EDIL3: variants seen among roughly 807,000 people sequenced by gnomAD.
EDIL3 encodes EGF-like repeat and discoidin I-like domain-containing protein 3.
EDIL3 carries 37 observed loss-of-function variants against 67.4 expected under a neutral mutation model. The ratio of observed to expected loss-of-function variants is 0.55; its 90% confidence interval spans 0.42 to 0.72. The LOEUF (loss-of-function observed/expected upper bound fraction) is 0.72. Ranked by LOEUF, EDIL3 falls within the 30% of genes least tolerant of loss-of-function variation. The pLI is 0.00. For missense variants in EDIL3, 527 were observed against 586.3 expected (o/e 0.90, Z 1.04); for synonymous variants, 195 against 196.3 (o/e 0.99, Z 0.05).
Position 84,239,573 on chromosome 5 carries a change from C to A in EDIL3, c.197-9689G>T, listed in dbSNP as rs373840780. ...CACAATAGCAAAAACTTGGAACCTT[C>A]AGCTACATCTTATGGACCAATTCCT... On this transcript the variant is annotated intron_variant, in intron 2 of 10. Transcript: ENST00000296591. 1.6e-3 allele frequency among the ~76,000 whole-genome samples: 241 copies of A among 152,274 alleles called. 6 individuals carry two copies. The South Asian group carries it at 0.047, about 30-fold the overall frequency.
At chr5:84,343,964 G>A (rs978272179) in intron 1 of EDIL3, among the ~76,000 whole-genome samples, 2 of 152,130 alleles carry the variant, frequency 1.3e-5, no homozygotes, top group African/African-American at 4.8e-5. Flanking sequence ...ACATGAAACT[G>A]TTATATTTTT....
chr5:84,200,832 A>C (rs1743816091), intron 3 of EDIL3, among the ~76,000 whole-genome samples: 1 of 152,064 alleles, frequency 6.6e-6, no homozygotes, highest in African/African-American at 2.4e-5. Context: ...AAACGGAAAG[A>C]AATGTCTTTC....
At chr5:84,002,212 A>G (rs1745343430) in intron 9 of EDIL3, among the ~76,000 whole-genome samples, 1 of 152,188 alleles carries the variant, frequency 6.6e-6, no homozygotes, top group South Asian at 2.1e-4. Flanking sequence ...CTAAAAAGGT[A>G]TTTTATAAAA....
At chr5:84,085,919 C>T (rs1367738041) in intron 6 of EDIL3, among the ~76,000 whole-genome samples, 1 of 152,214 alleles carries the variant, frequency 6.6e-6, no homozygotes, top group Non-Finnish European at 1.5e-5. Flanking sequence ...GAAAAACAGT[C>T]TGGCCACAGC....
chr5:84,102,360 C>A (rs992189167), intron 6 of EDIL3, among the ~76,000 whole-genome samples: 5 of 151,870 alleles, frequency 3.3e-5, no homozygotes, highest in Non-Finnish European at 7.4e-5. Context: ...CCAAAACGGG[C>A]AGAGAGGAAG....
chr5:84,261,368 T>C (rs1745219856), intron 1 of EDIL3, among the ~76,000 whole-genome samples: 1 of 152,182 alleles, frequency 6.6e-6, no homozygotes, highest in African/African-American at 2.4e-5. Context: ...TTAGAGACCA[T>C]TTGTGTTGAA....
intron 2 of EDIL3, among the ~76,000 whole-genome samples, chr5:84,240,817 G>A (rs1045402595): frequency 1.3e-5 from 2 of 152,118 alleles, no homozygotes; most frequent in African/African-American, 4.8e-5. Context: ...TATAAACTGA[G>A]CAACCACTAA....
At chr5:84,098,272 T>C (rs533928220) in intron 6 of EDIL3, among the ~76,000 whole-genome samples, 1 of 152,226 alleles carries the variant, frequency 6.6e-6, no homozygotes, top group South Asian at 2.1e-4. Flanking sequence ...TACTAATTAG[T>C]GCATGTTTGT....
At chr5:84,027,442 T>C (rs576862702) in intron 9 of EDIL3, among the ~76,000 whole-genome samples, 2 of 152,330 alleles carry the variant, frequency 1.3e-5, no homozygotes, top group Non-Finnish European at 2.9e-5. Flanking sequence ...CTATCTGTGT[T>C]TCTAGATAGT....
At chr5:84,178,966 T>C (rs950852712) in intron 4 of EDIL3, among the ~76,000 whole-genome samples, 2 of 152,180 alleles carry the variant, frequency 1.3e-5, no homozygotes, top group Non-Finnish European at 2.9e-5. Context: ...TGTCTGAATA[T>C]AGTATGAAGC....
intron 4 of EDIL3, 24 bp downstream of exon 4, chr5:84,180,369 G>C (rs757068799): frequency 6.4e-6 from 10 of 1,562,466 alleles, no homozygotes. Flanking sequence ...AATAATAAAA[G>C]TACAATGACT....
At chr5:84,072,644 A>G (rs560972997) in intron 6 of EDIL3, among the ~76,000 whole-genome samples, 1 of 152,324 alleles carries the variant, frequency 6.6e-6, no homozygotes, top group South Asian at 2.1e-4. Flanking sequence ...GTATGAGTAA[A>G]CTGATGTTGG....
At chr5:84,279,316 G>A (rs1173320618) in intron 1 of EDIL3, among the ~76,000 whole-genome samples, 1 of 152,096 alleles carries the variant, frequency 6.6e-6, no homozygotes, top group African/African-American at 2.4e-5. Flanking sequence ...CTCTCCTAGA[G>A]AAGTTTTCTC....
In EDIL3 at chr5:84,340,720, A is replaced by G. The variant is rs1385114864; in HGVS notation, c.67+43588T>C. ...CCTGCACATACTTTAAAGGCATTACATAAACATAAAATATCTCCAGTCTTT... is the reference window on the plus strand; with the variant it reads ...CCTGCACATACTTTAAAGGCATTACGTAAACATAAAATATCTCCAGTCTTT... On this transcript the variant is annotated intron_variant, in intron 1 of 10. Transcript: ENST00000296591. Among the ~76,000 whole-genome samples the G allele has an allele frequency of 2.0e-5, 3 of 151,844 alleles. No individual in the cohort carries two copies. The East Asian group carries it at 5.8e-4, about 30-fold the overall frequency.
At chr5:84,276,825 G>A (rs937302855) in intron 1 of EDIL3, among the ~76,000 whole-genome samples, 16 of 151,914 alleles carry the variant, frequency 1.1e-4, no homozygotes, top group African/African-American at 3.9e-4. Context: ...ACCCGCCTAG[G>A]CCTCCCAAAG....
rs144693895 is a variant in EDIL3, at chr5:84,291,686, A to C, written c.68-37474T>G. Among the ~76,000 whole-genome samples the C allele has an allele frequency of 5.0e-3, 737 of 146,744 alleles. 9 individuals are homozygous for C. In the East Asian group the frequency reaches 0.052, roughly 10 times the overall value. On this transcript the variant is annotated intron_variant, in intron 1 of 10. Transcript: ENST00000296591. ...TATATATATATCTATCTATATAGATATATCTATATATCTATCTATGTAGAT... is the reference window on the plus strand; with the variant it reads ...TATATATATATCTATCTATATAGATCTATCTATATATCTATCTATGTAGAT...
chr5:84,256,605 G>A (rs1353922515), intron 1 of EDIL3, among the ~76,000 whole-genome samples: 3 of 152,122 alleles, frequency 2.0e-5, no homozygotes, highest in African/African-American at 7.2e-5. Context: ...CAAAAGGTAG[G>A]AAGGCCATAT....
chr5:84,186,446 A>T (rs1580367106), intron 3 of EDIL3, among the ~76,000 whole-genome samples: 2 of 152,196 alleles, frequency 1.3e-5, no homozygotes, highest in East Asian at 3.9e-4. Flanking sequence ...CAGCAGCTGA[A>T]AGACAAATCT....
intron 1 of EDIL3, among the ~76,000 whole-genome samples, chr5:84,378,896 C>T (rs1009742797): frequency 1.3e-5 from 2 of 152,154 alleles, no homozygotes; most frequent in Non-Finnish European, 2.9e-5. Flanking sequence ...TCTTTCCTCA[C>T]AAAAAGATAA....
Sources: gnomAD v4.1 joint callset for allele counts (sites outside exome capture counted in the v4.1 genomes callset) on GRCh38, gnomAD v4.1.1 for gene constraint, MANE v1.5 for transcripts, NCBI Gene and HGNC (gene_info 2026-07-23, HGNC 2026-07-21) for gene names.